ACOXL: variants seen among roughly 807,000 people sequenced by gnomAD.
The protein encoded by ACOXL is acyl-coenzyme A oxidase-like protein.
In ACOXL, 70 loss-of-function variants were observed where a neutral mutation model predicts 71.9. That is an observed-to-expected ratio of 0.97 (90% CI 0.80 to 1.19). ACOXL has a LOEUF of 1.19. Among genes scored for constraint, ACOXL ranks in the 50% most tolerant of loss-of-function variants. The pLI is 0.00. For missense variants in ACOXL, 703 were observed against 736.3 expected, an observed-to-expected ratio of 0.95 and a Z score of 0.52; for synonymous variants, 253 against 281.6, an observed-to-expected ratio of 0.90 and a Z score of 1.02.
chr2:111,035,542 C>A (rs913200493), intron 15 of ACOXL, among the ~76,000 whole-genome samples: 1 of 152,200 alleles, frequency 6.6e-6, no homozygotes, highest in Non-Finnish European at 1.5e-5. Context: ...TTGTCTCTTG[C>A]TTTTCTCATT....
chr2:111,025,597 T>G (rs2064983393), intron 14 of ACOXL, among the ~76,000 whole-genome samples: 1 of 152,210 alleles, frequency 6.6e-6, no homozygotes, highest in Non-Finnish European at 1.5e-5. Context: ...TGCTATTCAT[T>G]TTGTCTTCTT....
At chr2:111,086,869 G>C (rs371777960) in intron 16 of ACOXL, among the ~76,000 whole-genome samples, 7 of 152,130 alleles carry the variant, frequency 4.6e-5, no homozygotes, top group African/African-American at 1.7e-4. Context: ...AACTATTCCT[G>C]TTTGCAGACA....
intron 14 of ACOXL, among the ~76,000 whole-genome samples, chr2:110,998,034 GA>G (rs1347997238): frequency 1.6e-5 from 1 of 63,616 alleles, no homozygotes; most frequent in African/African-American, 9.6e-5. Flanking sequence ...CTGGGCAACA[GA>G]GAGAGACCCT....
At chr2:111,004,684 T>C (rs1043808808) in intron 14 of ACOXL, among the ~76,000 whole-genome samples, 1 of 152,176 alleles carries the variant, frequency 6.6e-6, no homozygotes, top group African/African-American at 2.4e-5. Context: ...CAATGGCTTG[T>C]CATCCAGGAA....
At chr2:110,866,277 C>T (rs991266736) in intron 10 of ACOXL, among the ~76,000 whole-genome samples, 2 of 151,844 alleles carry the variant, frequency 1.3e-5, no homozygotes, top group Non-Finnish European at 2.9e-5. Context: ...GGGCAGAGGG[C>T]GGGAGAAGAT....
chr2:111,064,377 A>C (rs2066954363), intron 16 of ACOXL, among the ~76,000 whole-genome samples: 1 of 143,596 alleles, frequency 7.0e-6, no homozygotes, highest in African/African-American at 2.6e-5. Context: ...CGGAGCTTGC[A>C]GTGAGCCGAG....
intron 12 of ACOXL, among the ~76,000 whole-genome samples, chr2:110,936,834 A>C (rs1236276035): frequency 6.9e-6 from 1 of 145,072 alleles, no homozygotes; most frequent in East Asian, 2.0e-4. Context: ...AGCTCTCTGA[A>C]CCACTTATTT....
At chr2:110,915,274 T>TA (rs2149264915) in intron 11 of ACOXL, among the ~76,000 whole-genome samples, 1 of 151,464 alleles carries the variant, frequency 6.6e-6, no homozygotes, top group East Asian at 1.9e-4. Flanking sequence ...AGAAATGAGT[T>TA]ACATTACTTT....
At chr2:111,116,436 C>T (rs2070358518) in intron 17 of ACOXL, among the ~76,000 whole-genome samples, 1 of 152,302 alleles carries the variant, frequency 6.6e-6, no homozygotes, top group East Asian at 1.9e-4. Context: ...TCCCTACCCT[C>T]TATATTCCCC....
intron 12 of ACOXL, among the ~76,000 whole-genome samples, chr2:110,939,028 G>A: frequency 6.6e-6 from 1 of 152,160 alleles, no homozygotes; most frequent in Admixed American, 6.5e-5. Flanking sequence ...TTAGGAGATG[G>A]GGACTTGAGA....
chr2:111,087,055 G>A (rs75380559), intron 16 of ACOXL, among the ~76,000 whole-genome samples: 3 of 151,890 alleles, frequency 2.0e-5, no homozygotes, highest in Non-Finnish European at 4.4e-5. Context: ...CATTCACAAT[G>A]GACACAAAAA....
At chr2:111,067,426 A>G (rs1359491607) in intron 16 of ACOXL, among the ~76,000 whole-genome samples, 1 of 152,236 alleles carries the variant, frequency 6.6e-6, no homozygotes, top group Admixed American at 6.5e-5. Context: ...TATGAAAAAC[A>G]CAAATACATT....
chr2:110,950,704 T>C (rs977056154), intron 12 of ACOXL, among the ~76,000 whole-genome samples: 1 of 152,126 alleles, frequency 6.6e-6, no homozygotes, highest in African/African-American at 2.4e-5. Flanking sequence ...TTTGTGATCA[T>C]CTTACATCTT....
At chr2:111,095,184 T>C (rs761613013) in intron 17 of ACOXL, among the ~76,000 whole-genome samples, 5 of 143,784 alleles carry the variant, frequency 3.5e-5, no homozygotes, top group Admixed American at 7.2e-5. Context: ...ACAAAGAGAG[T>C]GCCCACTTTG....
At chr2:111,018,047 A>G in intron 14 of ACOXL, 1 of 152,368 alleles carries the variant, frequency 6.6e-6, no homozygotes, top group Admixed American at 6.5e-5. Context: ...AACTTCAAAT[A>G]TATAGCTAAA....
chr2:110,829,411 C>T (rs1046877746), intron 9 of ACOXL, among the ~76,000 whole-genome samples: 1 of 152,140 alleles, frequency 6.6e-6, no homozygotes, highest in Non-Finnish European at 1.5e-5. Flanking sequence ...GACTGGGTTA[C>T]TCCTCGGGAA....
At chr2:111,101,037 A>T (rs2069120265) in intron 17 of ACOXL, 1 of 152,662 alleles carries the variant, frequency 6.6e-6, no homozygotes, top group Non-Finnish European at 1.5e-5. Flanking sequence ...TTCTGAGTAG[A>T]CATTGCCAAT....
At chr2:110,805,048 C>G (rs1367008827) in intron 8 of ACOXL, among the ~76,000 whole-genome samples, 3 of 152,194 alleles carry the variant, frequency 2.0e-5, no homozygotes, top group Non-Finnish European at 4.4e-5. Context: ...GGTTTAATGT[C>G]TCAGGAAACC....
intron 11 of ACOXL, among the ~76,000 whole-genome samples, chr2:110,912,683 G>C (rs574585041): frequency 2.6e-5 from 4 of 152,238 alleles, no homozygotes; most frequent in African/African-American, 9.6e-5. Flanking sequence ...CTTTGCAACT[G>C]TAGGTTAGGC....
Sources: allele counts gnomAD v4.1 joint callset (sites outside exome capture counted in the v4.1 genomes callset), GRCh38; gene constraint gnomAD v4.1.1; transcripts MANE v1.5; gene names NCBI Gene and HGNC (gene_info 2026-07-23, HGNC 2026-07-21).